DNAH7: variants seen among roughly 807,000 people sequenced by gnomAD.
DNAH7 encodes the protein dynein axonemal heavy chain 7, also known as axonemal beta dynein heavy chain 7.
A neutral mutation model predicts 444.6 loss-of-function variants in DNAH7; 397 were observed. That is an observed-to-expected ratio of 0.89 (90% CI 0.82 to 0.97). The LOEUF (loss-of-function observed/expected upper bound fraction) is 0.97. Ranked by LOEUF, DNAH7 falls within the 50% of genes least tolerant of loss-of-function variation. DNAH7 has a pLI of 0.00. For missense variants in DNAH7, 4,902 were observed against 4,800.8 expected (o/e 1.02, Z -0.62); for synonymous variants, 1,636 against 1,624.4 (o/e 1.01, Z -0.17).
intron 48 of DNAH7, among the ~76,000 whole-genome samples, chr2:195,832,861 T>C (rs1457217021): frequency 6.6e-6 from 1 of 152,210 alleles, no homozygotes; most frequent in African/African-American, 2.4e-5. Flanking sequence ...TACACATAAA[T>C]CATACAGTAA....
intron 19 of DNAH7, among the ~76,000 whole-genome samples, chr2:195,947,274 C>T (rs891249904): frequency 4.0e-5 from 6 of 151,782 alleles, no homozygotes; most frequent in South Asian, 2.1e-4. Context: ...GGATCACAGG[C>T]GTGAGCCACA....
chr2:195,951,123 G>C (rs1178435419), intron 19 of DNAH7, among the ~76,000 whole-genome samples: 2 of 152,138 alleles, frequency 1.3e-5, no homozygotes, highest in Admixed American at 1.3e-4. Context: ...GTATCCCAGA[G>C]ATTCTGGTAT....
At chr2:196,039,806 CA>C (rs920800952) in intron 5 of DNAH7, among the ~76,000 whole-genome samples, 3 of 143,706 alleles carry the variant, frequency 2.1e-5, no homozygotes, top group African/African-American at 5.1e-5. Context: ...AAAAAAAAGA[CA>C]AAAAAAAGAT....
At chr2:195,987,017 A>G (rs770242296) in intron 14 of DNAH7, 49 bp downstream of exon 14, 1 of 1,500,200 alleles carries the variant, frequency 6.7e-7, no homozygotes, top group Admixed American at 2.3e-5. Flanking sequence ...AGCTGATTCT[A>G]TTAAACATCC....
rs145459721 is a variant in DNAH7, at chr2:196,022,702, C to T, written c.743+1727G>A. ...AAGTCTTGAGCCACTCAAAGTCATC[C>T]GTAAGGGTTGAACTTCTTCCAAACT... is the stretch of plus-strand genomic sequence containing the variant. On this transcript the variant is annotated intron_variant, in intron 8 of 64. Coordinates refer to ENST00000312428, the MANE Select transcript of DNAH7 (RefSeq NM_018897.3). Among the ~76,000 whole-genome samples, 74 of 152,260 alleles carry T rather than the reference C, an allele frequency of 4.9e-4. No individual in the cohort carries two copies. The East Asian group carries it at 0.013, about 26-fold the overall frequency.
At chr2:195,750,339 C>G (rs1451430952) in intron 63 of DNAH7, among the ~76,000 whole-genome samples, 4 of 152,112 alleles carry the variant, frequency 2.6e-5, no homozygotes, top group African/African-American at 9.7e-5. Context: ...AGTTCAGAAG[C>G]TTTTGGCAAT....
Position 195,824,353 on chromosome 2 carries a change from G to T in DNAH7, c.9193C>A (p.Arg3065=). 1 of 1,613,702 alleles carries T rather than the reference G, an allele frequency of 6.2e-7. No individual in the cohort carries two copies. Among genetic ancestry groups the T allele is most frequent in the Non-Finnish European group, 8.5e-7 (1 of 1,179,796 alleles). The stretch of plus-strand genomic sequence containing the variant: ...TATTCAATTGTGGAGTCCCCAAGCC[G>T]GATACATGTACTCCCACCCTGCTTA... ...TFKQGGSTCI[R]LGDSTIEYAP... is the part of the protein sequence containing the mutation. Residue 3065 remains arginine, a synonymous_variant, in exon 49 of 65, where the codon CGG becomes AGG. Coordinates refer to ENST00000312428, the MANE Select transcript of DNAH7 (RefSeq NM_018897.3).
intron 17 of DNAH7, among the ~76,000 whole-genome samples, chr2:195,965,449 C>A (rs1298248426): frequency 6.6e-6 from 1 of 152,028 alleles, no homozygotes; most frequent in Non-Finnish European, 1.5e-5. Context: ...GTGTCTTTGT[C>A]TAGTTTTGGT....
intron 12 of DNAH7, among the ~76,000 whole-genome samples, chr2:195,990,777 G>C (rs1378492656): frequency 1.5e-4 from 2 of 12,944 alleles, no homozygotes; most frequent in Non-Finnish European, 1.0e-3. Flanking sequence ...TAGCTTTGTT[G>C]TGTGTGTGTG....
At chr2:195,796,549 C>A (rs772361338) in intron 56 of DNAH7, 27 bp downstream of exon 56, 2 of 1,612,234 alleles carry the variant, frequency 1.2e-6, no homozygotes, top group Non-Finnish European at 8.5e-7. Context: ...GGAATGCAAT[C>A]TAATAAGTAT....
intron 12 of DNAH7, among the ~76,000 whole-genome samples, chr2:195,990,985 A>G (rs1326086448): frequency 2.0e-5 from 3 of 146,622 alleles, no homozygotes; most frequent in African/African-American, 7.5e-5. Flanking sequence ...ATATATATAT[A>G]TGCTTAAGTG....
At chr2:195,762,033 C>T (rs1385443168) in intron 61 of DNAH7, among the ~76,000 whole-genome samples, 4 of 151,892 alleles carry the variant, frequency 2.6e-5, no homozygotes, top group Non-Finnish European at 5.9e-5. Context: ...AACAACTTTT[C>T]AAGACAGAGA....
intron 13 of DNAH7, 53 bp from the exon 14 acceptor site, chr2:195,987,246 T>G (rs1219688513): frequency 1.5e-6 from 2 of 1,370,894 alleles, no homozygotes; most frequent in African/African-American, 2.9e-5. Context: ...ACAAATAAAT[T>G]TTCACAATTT....
chr2:196,044,201 A>G lies in DNAH7; in HGVS notation c.398+3151T>C, dbSNP rs200596801. Among the ~76,000 whole-genome samples the G allele has an allele frequency of 1.1e-3, 148 of 132,710 alleles. 1 individual carries two copies. In the South Asian group the frequency reaches 0.016, roughly 14 times the overall value. The allele number at this position is 132,710 out of a possible 152,430, so 87.1% of individuals were successfully genotyped here. ...GATAAAAAAATGTTTATATATATAT[A>G]TATGTGTGTGTGTGTGTGTGTGTGT... On this transcript the variant is annotated intron_variant, in intron 5 of 64. Coordinates refer to ENST00000312428, the MANE Select transcript of DNAH7 (RefSeq NM_018897.3).
intron 33 of DNAH7, among the ~76,000 whole-genome samples, chr2:195,887,917 T>C (rs1701798328): frequency 6.6e-6 from 1 of 151,360 alleles, no homozygotes; most frequent in Admixed American, 6.6e-5. Context: ...TACCATGGAC[T>C]GACTGGCTTA....
intron 18 of DNAH7, among the ~76,000 whole-genome samples, chr2:195,959,522 C>T (rs917891683): frequency 5.3e-5 from 8 of 152,176 alleles, no homozygotes; most frequent in African/African-American, 1.2e-4. Context: ...TGAGCCAAGA[C>T]CAATCAGAAC....
At chr2:195,904,342 G>GA (rs34348575) in intron 27 of DNAH7, 12,805 of 152,552 alleles carry the variant, frequency 0.084, 929 homozygotes, top group African/African-American at 0.2. Flanking sequence ...TGTCAGACAG[G>GA]AAAGAGGAGG....
rs546009956 is a variant in DNAH7 at position 195,916,896 on chromosome 2, G to A, written c.3935+5192C>T. On this transcript the variant is annotated intron_variant, in intron 24 of 64. Coordinates refer to ENST00000312428, the MANE Select transcript of DNAH7 (RefSeq NM_018897.3). ...GGGCGGATCACGAGGTCAGGAGATC[G>A]AGACCATCCTAGCTAACATGGTGAA... 1.4e-3 allele frequency among the ~76,000 whole-genome samples: 205 copies of A among 151,748 alleles called. 1 individual carries two copies. The highest frequency in any genetic ancestry group is 4.5e-3 in the African/African-American group (186 of 41,398).
chr2:195,873,765 T>C, intron 38 of DNAH7, 71 bp from the exon 39 acceptor site: 2 of 1,149,078 alleles, frequency 1.7e-6, no homozygotes, highest in South Asian at 5.0e-5. Context: ...AAATATTCTA[T>C]AGTTTAAAGT....
Sources: allele counts gnomAD v4.1 joint callset (sites outside exome capture counted in the v4.1 genomes callset), GRCh38; gene constraint gnomAD v4.1.1; transcripts MANE v1.5; gene names NCBI Gene and HGNC (gene_info 2026-07-23, HGNC 2026-07-21).